Variants in EXOC4 observed in about 807,000 individuals in gnomAD.
EXOC4 encodes the protein SEC8-like 1.
A neutral mutation model predicts 107.2 loss-of-function variants in EXOC4; 71 were observed. The ratio of observed to expected loss-of-function variants is 0.66; its 90% CI spans 0.55 to 0.81. The LOEUF is 0.81. EXOC4 is among the 30% of genes least tolerant of loss of function. The pLI is 0.00. For synonymous variants in EXOC4, 456 were observed against 441.2 expected (o/e 1.03, Z -0.42); for missense variants, 1,108 against 1,189.6 (o/e 0.93, Z 1.01).
At chr7:134,031,063 G>A (rs112735361) in intron 17 of EXOC4, among the ~76,000 whole-genome samples, 248 of 152,286 alleles carry the variant, frequency 1.6e-3, no homozygotes, top group African/African-American at 5.8e-3. Context: ...CCAGAATAGG[G>A]CAATCTATAG....
At chr7:133,900,444 G>A (rs1799425854) in intron 12 of EXOC4, among the ~76,000 whole-genome samples, 1 of 152,186 alleles carries the variant, frequency 6.6e-6, no homozygotes, top group Admixed American at 6.5e-5. Flanking sequence ...AGTGATAAAT[G>A]TCTAGGATGT....
At chr7:133,560,298 T>A (rs1800781818) in intron 9 of EXOC4, among the ~76,000 whole-genome samples, 1 of 152,116 alleles carries the variant, frequency 6.6e-6, no homozygotes. Flanking sequence ...ATTTATTTAT[T>A]TTTTTAGACA....
intron 9 of EXOC4, among the ~76,000 whole-genome samples, chr7:133,579,688 T>TA (rs1801208272): frequency 4.1e-5 from 1 of 24,470 alleles, no homozygotes; most frequent in African/African-American, 8.1e-5. Context: ...CAACTTTACT[T>TA]TTTTTTTTTT....
chr7:134,087,019 C>T, the EXOC4 span, among the ~76,000 whole-genome samples: 1 of 152,174 alleles, frequency 6.6e-6, no homozygotes, highest in South Asian at 2.1e-4. Context: ...AGCTTCTTTA[C>T]TGCAAACTGT....
the EXOC4 span, among the ~76,000 whole-genome samples, chr7:134,071,737 A>G: frequency 1.3e-5 from 2 of 152,202 alleles, no homozygotes; most frequent in African/African-American, 4.8e-5. Flanking sequence ...GCCTACATGC[A>G]GGAATGAGCA....
the EXOC4 span, among the ~76,000 whole-genome samples, chr7:134,079,827 C>T: frequency 1.3e-4 from 20 of 152,304 alleles, no homozygotes; most frequent in Admixed American, 2.0e-4. Context: ...CAAGGCAGGA[C>T]CCAGGTGCAG....
At chr7:133,681,659 G>T (rs1447832354) in intron 10 of EXOC4, among the ~76,000 whole-genome samples, 1 of 151,838 alleles carries the variant, frequency 6.6e-6, no homozygotes, top group African/African-American at 2.4e-5. Flanking sequence ...TGGGAATTCT[G>T]GGAGATACAA....
chr7:133,657,117 C>T (rs1285196935), intron 10 of EXOC4, among the ~76,000 whole-genome samples: 1 of 152,042 alleles, frequency 6.6e-6, no homozygotes, highest in Non-Finnish European at 1.5e-5. Flanking sequence ...TTGCTAAATG[C>T]ATGGTGACAG....
chr7:134,071,073 T>C (rs1340980014), downstream of EXOC4, among the ~76,000 whole-genome samples: 1 of 152,262 alleles, frequency 6.6e-6, no homozygotes, highest in Admixed American at 6.5e-5. Context: ...TACGTTATTC[T>C]AGACACCATT....
At chr7:133,632,551 T>A (rs1426962500) in intron 10 of EXOC4, among the ~76,000 whole-genome samples, 2 of 152,210 alleles carry the variant, frequency 1.3e-5, no homozygotes, top group Non-Finnish European at 2.9e-5. Flanking sequence ...TATTTGAGTT[T>A]TCACACTTCA....
At chr7:134,084,709 T>TAAAAAAAAAA in the EXOC4 span, among the ~76,000 whole-genome samples, 11 of 83,172 alleles carry the variant, frequency 1.3e-4, no homozygotes, top group African/African-American at 5.5e-4. Context: ...GGTGCAGCCG[T>TAAAAAAAAAA]AAAAAAAAAA....
chr7:133,678,748 C>T (rs1236431519), intron 10 of EXOC4, among the ~76,000 whole-genome samples: 2 of 151,858 alleles, frequency 1.3e-5, no homozygotes, highest in African/African-American at 4.8e-5. Context: ...GTGGCTGGGA[C>T]CACAGGCGCA....
chr7:133,345,674 C>G (rs1795768424), intron 5 of EXOC4, among the ~76,000 whole-genome samples: 2 of 152,114 alleles, frequency 1.3e-5, no homozygotes, highest in Non-Finnish European at 2.9e-5. Flanking sequence ...TCTATCTCCC[C>G]TTATAGCAGA....
intron 9 of EXOC4, chr7:133,576,550 G>A: frequency 9.3e-6 from 12 of 1,289,712 alleles, no homozygotes; most frequent in Non-Finnish European, 1.2e-5. Context: ...AAACCAAAAT[G>A]AGCAAAGGAG....
At chr7:133,927,779 A>G (rs932872804) in intron 13 of EXOC4, among the ~76,000 whole-genome samples, 4 of 152,248 alleles carry the variant, frequency 2.6e-5, no homozygotes, top group Admixed American at 6.5e-5. Flanking sequence ...ATAGATGGAT[A>G]TAGAACGCTG....
intron 7 of EXOC4, among the ~76,000 whole-genome samples, chr7:133,428,782 A>G (rs527424975): frequency 2.0e-4 from 31 of 152,300 alleles, no homozygotes; most frequent in Admixed American, 1.7e-3. Context: ...TGCTTATTGT[A>G]GATGTTAGAT....
the EXOC4 span, among the ~76,000 whole-genome samples, chr7:134,095,792 C>G: frequency 6.6e-6 from 1 of 152,132 alleles, no homozygotes; most frequent in African/African-American, 2.4e-5. Context: ...AATTGGACCC[C>G]TACATTTCAC....
At chr7:133,859,808 A>G (rs1585205176) in intron 11 of EXOC4, among the ~76,000 whole-genome samples, 1 of 152,196 alleles carries the variant, frequency 6.6e-6, no homozygotes, top group Non-Finnish European at 1.5e-5. Flanking sequence ...AATGTACAGA[A>G]TGGTGAAGAT....
At chr7:134,059,619 T>G (rs569741493) in intron 17 of EXOC4, among the ~76,000 whole-genome samples, 17 of 152,286 alleles carry the variant, frequency 1.1e-4, no homozygotes, top group African/African-American at 3.9e-4. Context: ...AATAATATAC[T>G]TATCTTTTAA....
Sources: allele counts gnomAD v4.1 joint callset (sites outside exome capture counted in the v4.1 genomes callset), GRCh38; gene constraint gnomAD v4.1.1; transcripts MANE v1.5; gene names NCBI Gene and HGNC (gene_info 2026-07-23, HGNC 2026-07-21).